The following ARSB variants were observed in gnomAD, a reference collection of about 807,000 sequenced individuals.
ARSB encodes the protein arylsulfatase B.
A neutral mutation model predicts 50.9 loss-of-function variants in ARSB; 41 were observed. The ratio of observed to expected loss-of-function variants is 0.81; its 90% CI spans 0.63 to 1.04. The LOEUF is 1.04. Ranked by LOEUF, ARSB falls within the 50% of genes least tolerant of loss-of-function variation. The pLI is 0.00. For synonymous variants in ARSB, 269 were observed against 284.8 expected (o/e 0.94, Z 0.56); for missense variants, 672 against 693.3 (o/e 0.97, Z 0.35).
intron 1 of ARSB, 61 bp downstream of exon 1, chr5:78,984,876 G>C (rs1753084656): frequency 2.4e-6 from 3 of 1,236,354 alleles, no homozygotes; most frequent in Non-Finnish European, 3.0e-6. Flanking sequence ...CCGGGTAGGA[G>C]CGGCAGGGCG....
intron 6 of ARSB, among the ~76,000 whole-genome samples, chr5:78,785,458 T>G (rs1207047405): frequency 1.3e-5 from 2 of 152,222 alleles, no homozygotes; most frequent in African/African-American, 2.4e-5. Flanking sequence ...GAGAGAGGTA[T>G]GTTAAAAATC....
At chr5:78,982,338 T>C (rs763491053) in intron 1 of ARSB, among the ~76,000 whole-genome samples, 5 of 152,252 alleles carry the variant, frequency 3.3e-5, no homozygotes, top group Admixed American at 6.5e-5. Flanking sequence ...AAATCTATTT[T>C]TATTTTACAT....
In ARSB at chr5:78,984,878, G is replaced by T. The variant is rs886112908; in HGVS notation, c.312+59C>A. 7.2e-5 allele frequency: 89 copies of T among 1,241,346 alleles called. 2 individuals carry two copies. Among genetic ancestry groups the T allele is most frequent in the East Asian group, 1.7e-4 (5 of 30,016 alleles). The allele number at this position is 1,241,346 out of a possible 1,614,324, so 76.9% of individuals were successfully genotyped here. ...GCGGCCTCAAGGGCCGGGTAGGAGC[G>T]GCAGGGCGCCGGCGAAAGGCGGGGC... On this transcript the variant is annotated intron_variant, in intron 1 of 7. Transcript: ENST00000264914.
chr5:78,962,424 TG>T (rs753971034), intron 3 of ARSB, among the ~76,000 whole-genome samples: 1 of 152,122 alleles, frequency 6.6e-6, no homozygotes, highest in Non-Finnish European at 1.5e-5. Flanking sequence ...ACAGAAAGCA[TG>T]GTTGCTTCAA....
Position 78,878,773 on chromosome 5 carries a change from G to T in ARSB, c.1142+6811C>A, listed in dbSNP as rs74771926. ...TTTTAAGATATTTTAATATTCAGTT[G>T]TCACCACTGTCATGTTATGACATCT... On this transcript the variant is annotated intron_variant, in intron 5 of 7. Transcript: ENST00000264914. 1.4e-4 allele frequency among the ~76,000 whole-genome samples: 22 copies of T among 152,128 alleles called. No individual in the cohort carries two copies. The East Asian group carries it at 4.3e-3, about 29-fold the overall frequency.
intron 5 of ARSB, among the ~76,000 whole-genome samples, chr5:78,873,816 C>A (rs1477718568): frequency 6.6e-6 from 1 of 152,142 alleles, no homozygotes; most frequent in Non-Finnish European, 1.5e-5. Flanking sequence ...TTTTTAAAAA[C>A]TCTGAAATAA....
chr5:78,977,741 A>G (rs1448154065), intron 1 of ARSB, among the ~76,000 whole-genome samples: 12 of 149,702 alleles, frequency 8.0e-5, no homozygotes, highest in Non-Finnish European at 3.0e-5. Flanking sequence ...AATAAAAGGT[A>G]TCTAGATTAG....
intron 3 of ARSB, 141 bp from the exon 4 acceptor site, chr5:78,955,643 A>T (rs2112485049): frequency 1.3e-6 from 1 of 749,490 alleles, no homozygotes; most frequent in Middle Eastern, 3.6e-4. Context: ...TGTGAATCAC[A>T]TGTATGATAA....
intron 3 of ARSB, among the ~76,000 whole-genome samples, chr5:78,960,767 G>A (rs1272167931): frequency 6.6e-6 from 1 of 152,122 alleles, no homozygotes; most frequent in Non-Finnish European, 1.5e-5. Flanking sequence ...GTTTAACTAT[G>A]TTGGTCAGGG....
intron 4 of ARSB, among the ~76,000 whole-genome samples, chr5:78,936,544 A>G (rs1750610936): frequency 6.6e-6 from 1 of 151,880 alleles, no homozygotes; most frequent in Admixed American, 6.6e-5. Flanking sequence ...GTTGCCCTTA[A>G]CCCTTAACTT....
In ARSB at chr5:78,806,288, T is replaced by C. The variant is rs571030892; in HGVS notation, c.1214-24314A>G. 9.8e-5 allele frequency among the ~76,000 whole-genome samples: 15 copies of C among 152,358 alleles called. No homozygotes were observed. The South Asian group carries it at 3.1e-3, about 32-fold the overall frequency. ...TCCCCTGGCATGTGTAACAACTGTA[T>C]ACCTGAAGGATGTCATAGGCTGTTA... On this transcript the variant is annotated intron_variant, in intron 6 of 7. Transcript: ENST00000264914.
intron 6 of ARSB, among the ~76,000 whole-genome samples, chr5:78,814,798 T>G: frequency 6.6e-6 from 1 of 150,880 alleles, no homozygotes; most frequent in South Asian, 2.1e-4. Flanking sequence ...CACCAGAAAT[T>G]CCTTGGATGT....
intron 3 of ARSB, among the ~76,000 whole-genome samples, chr5:78,959,965 C>G (rs183393791): frequency 1.0e-3 from 156 of 152,260 alleles, no homozygotes; most frequent in African/African-American, 3.7e-3. Context: ...AACCAGAGCT[C>G]GGCTCACTGT....
intron 5 of ARSB, among the ~76,000 whole-genome samples, chr5:78,866,216 G>A (rs1289482957): frequency 6.6e-6 from 1 of 152,312 alleles, no homozygotes; most frequent in Admixed American, 6.5e-5. Flanking sequence ...ACTTGGCTGG[G>A]GAGGCCTCAC....
chr5:78,879,329 G>A (rs1408097372), intron 5 of ARSB, among the ~76,000 whole-genome samples: 2 of 152,202 alleles, frequency 1.3e-5, no homozygotes, highest in Non-Finnish European at 2.9e-5. Flanking sequence ...AAAGAGCTTA[G>A]AGAAGTCATG....
chr5:78,947,960 G>C (rs1751320183), intron 4 of ARSB, among the ~76,000 whole-genome samples: 1 of 152,158 alleles, frequency 6.6e-6, no homozygotes, highest in South Asian at 2.1e-4. Flanking sequence ...TCACATAAAA[G>C]AATGAGATCA....
intron 6 of ARSB, among the ~76,000 whole-genome samples, chr5:78,823,759 CT>C (rs1744326691): frequency 6.6e-6 from 1 of 152,164 alleles, no homozygotes; most frequent in Admixed American, 6.5e-5. Flanking sequence ...ATATCTTAAA[CT>C]TTTTTTCAGC....
At chr5:78,790,951 A>C (rs765649365) in intron 6 of ARSB, among the ~76,000 whole-genome samples, 1 of 152,174 alleles carries the variant, frequency 6.6e-6, no homozygotes, top group Non-Finnish European at 1.5e-5. Flanking sequence ...AGAAGCTGTA[A>C]TTTACCACTT....
intron 5 of ARSB, among the ~76,000 whole-genome samples, chr5:78,852,885 C>A (rs1353081093): frequency 6.6e-6 from 1 of 152,132 alleles, no homozygotes; most frequent in Non-Finnish European, 1.5e-5. Flanking sequence ...ATGTAGTTCT[C>A]GAGCCTTGGC....
Sources: gnomAD v4.1 joint callset for allele counts (sites outside exome capture counted in the v4.1 genomes callset) on GRCh38, gnomAD v4.1.1 for gene constraint, MANE v1.5 for transcripts, NCBI Gene and HGNC (gene_info 2026-07-23, HGNC 2026-07-21) for gene names.